KLF8: variants seen among roughly 807,000 people sequenced by gnomAD.
KLF8 encodes KLF transcription factor 8.
KLF8 carries 10 observed loss-of-function variants against 18.2 expected under a neutral mutation model. The ratio of observed to expected loss-of-function variants is 0.55; its 90% CI spans 0.34 to 0.93. KLF8 has a LOEUF of 0.93. KLF8 is among the 40% of genes least tolerant of loss of function. KLF8 has a pLI of 0.02. For missense variants in KLF8, 264 were observed against 277.9 expected, an observed-to-expected ratio of 0.95 and a Z score of 0.36; for synonymous variants, 109 against 97.3, an observed-to-expected ratio of 1.12 and a Z score of -0.71.
chrX:55,941,031 G>A, the KLF8 span, among the ~76,000 whole-genome samples: 1 of 111,400 alleles, frequency 9.0e-6, no homozygotes, highest in African/African-American at 3.3e-5. Flanking sequence ...CTACTTTAAA[G>A]TTCATATGGA....
the KLF8 span, among the ~76,000 whole-genome samples, chrX:56,075,434 G>C: frequency 9.1e-6 from 1 of 110,347 alleles, no homozygotes. Flanking sequence ...GAGATGTTTT[G>C]ATACAGGCAT....
chrX:56,144,756 CA>C, the KLF8 span, among the ~76,000 whole-genome samples: 10,491 of 64,422 alleles, frequency 0.16, 1,310 homozygotes, highest in African/African-American at 0.41. Flanking sequence ...CTGTCTCACA[CA>C]AAAAAAAAAA....
the KLF8 span, among the ~76,000 whole-genome samples, chrX:56,122,624 AT>A: frequency 2.7e-5 from 3 of 111,262 alleles, no homozygotes; most frequent in Non-Finnish European, 5.7e-5. Flanking sequence ...GGGGAGAAAA[AT>A]TGAGGTTTAT....
At chrX:56,196,170 C>T in the KLF8 span, among the ~76,000 whole-genome samples, 2 of 111,443 alleles carry the variant, frequency 1.8e-5, no homozygotes, top group African/African-American at 6.5e-5. Context: ...GAAATGGTAT[C>T]AATTAATGGG....
At chrX:56,154,156 G>A in the KLF8 span, among the ~76,000 whole-genome samples, 1 of 111,210 alleles carries the variant, frequency 9.0e-6, no homozygotes, top group East Asian at 2.8e-4. Context: ...AAAGCTGGAG[G>A]CATCACGCTA....
the KLF8 span, among the ~76,000 whole-genome samples, chrX:55,930,752 T>C: frequency 3.6e-5 from 4 of 111,886 alleles, no homozygotes; most frequent in African/African-American, 9.8e-5. Context: ...TCGTGGTGGA[T>C]AAGCTTTTTG....
the KLF8 span, among the ~76,000 whole-genome samples, chrX:56,175,696 G>A: frequency 9.0e-6 from 1 of 110,855 alleles, no homozygotes; most frequent in Non-Finnish European, 1.9e-5. Flanking sequence ...TTGACAGTGG[G>A]GTGTAAAAGT....
At chrX:56,090,701 T>C in the KLF8 span, among the ~76,000 whole-genome samples, 2 of 111,440 alleles carry the variant, frequency 1.8e-5, no homozygotes, top group African/African-American at 6.5e-5. Context: ...GTTTATTACG[T>C]GGATATATTA....
At chrX:56,176,399 A>C in the KLF8 span, among the ~76,000 whole-genome samples, 1 of 111,576 alleles carries the variant, frequency 9.0e-6, no homozygotes. Context: ...TGGTTTGAAT[A>C]TTCTTTTCTT....
At chrX:56,218,641 A>G in the KLF8 span, among the ~76,000 whole-genome samples, 1 of 112,497 alleles carries the variant, frequency 8.9e-6, no homozygotes, top group African/African-American at 3.2e-5. Context: ...TACAATTGCT[A>G]TCTTGCTTTA....
the KLF8 span, among the ~76,000 whole-genome samples, chrX:55,951,104 A>C: frequency 9.0e-6 from 1 of 111,641 alleles, no homozygotes; most frequent in African/African-American, 3.3e-5. Context: ...ACACTCACAG[A>C]AAGTCATAGA....
the KLF8 span, among the ~76,000 whole-genome samples, chrX:56,064,710 G>A: frequency 9.0e-5 from 10 of 111,021 alleles, no homozygotes; most frequent in Non-Finnish European, 1.5e-4. Flanking sequence ...ATGTTTATGC[G>A]TTTTCATAAT....
the KLF8 span, among the ~76,000 whole-genome samples, chrX:55,911,563 C>T: frequency 9.0e-6 from 1 of 111,623 alleles, no homozygotes; most frequent in East Asian, 2.8e-4. Flanking sequence ...CACTGTGCTT[C>T]CCCCAAGTCC....
chrX:56,166,399 C>A, the KLF8 span, among the ~76,000 whole-genome samples: 1 of 111,713 alleles, frequency 9.0e-6, no homozygotes, highest in Admixed American at 9.6e-5. Context: ...GACCATTGCT[C>A]TTGCACCATC....
chrX:56,266,392 T>G (rs966835956), intron 3 of KLF8: 1 of 719,865 alleles, frequency 1.4e-6, no homozygotes, highest in African/African-American at 2.3e-5. Context: ...TTGGGCATTA[T>G]TCACAACTGA....
At chrX:56,068,905 G>A in the KLF8 span, among the ~76,000 whole-genome samples, 1 of 112,443 alleles carries the variant, frequency 8.9e-6, no homozygotes, top group African/African-American at 3.2e-5. Context: ...CAGCAGCCCT[G>A]CTTCTTTCTA....
the KLF8 span, among the ~76,000 whole-genome samples, chrX:56,157,850 C>T: frequency 9.0e-6 from 1 of 111,147 alleles, no homozygotes; most frequent in Non-Finnish European, 1.9e-5. Context: ...TGCCTGTTCA[C>T]TCTGATGGTA....
chrX:56,164,725 ATC>A, the KLF8 span, among the ~76,000 whole-genome samples: 1 of 24,644 alleles, frequency 4.1e-5, no homozygotes, highest in African/African-American at 1.9e-4. Context: ...CTTTCTTGTT[ATC>A]TCTTTTTTTT....
chrX:56,187,200 G>A, the KLF8 span, among the ~76,000 whole-genome samples: 2 of 111,463 alleles, frequency 1.8e-5, no homozygotes, highest in Admixed American at 9.5e-5. Flanking sequence ...TATCACCATC[G>A]ATCCCACAGA....
Sources: allele counts gnomAD v4.1 joint callset (sites outside exome capture counted in the v4.1 genomes callset), GRCh38; gene constraint gnomAD v4.1.1; transcripts MANE v1.5; gene names NCBI Gene and HGNC (gene_info 2026-07-23, HGNC 2026-07-21).